CYP20A1: variants seen among roughly 807,000 people sequenced by gnomAD.
CYP20A1 encodes the protein cytochrome P450 family 20 subfamily A member 1.
Under a neutral mutation model 61.4 loss-of-function variants are expected in CYP20A1, and 61 were observed. The observed-to-expected ratio is 0.99, with a 90% CI of 0.81 to 1.23. The LOEUF is 1.23. Among genes scored for constraint, CYP20A1 ranks in the 50% most tolerant of loss-of-function variants. The probability of loss-of-function intolerance (pLI) is 0.00; values close to 1 mark genes in which losing one functional copy is unlikely to be tolerated. For missense variants in CYP20A1, 530 were observed against 542.4 expected, an observed-to-expected ratio of 0.98 and a Z score of 0.23; for synonymous variants, 193 against 188.2, an observed-to-expected ratio of 1.03 and a Z score of -0.21.
At chr2:203,296,632 T>C in intron 12 of CYP20A1, 69 bp downstream of exon 12, 1 of 1,414,328 alleles carries the variant, frequency 7.1e-7, no homozygotes, top group Non-Finnish European at 9.7e-7. Flanking sequence ...ATGGGCAATC[T>C]GTATGATTAA....
rs528193755 is a variant in CYP20A1, at chr2:203,289,817, G to C, written c.1024G>C (p.Val342Leu). The change falls in exon 10 of 13, where the codon GTT becomes CTT. Residue 342 changes from valine (V) to leucine (L), a missense_variant. Coordinates refer to ENST00000356079, the MANE Select transcript of CYP20A1 (RefSeq NM_177538.3). ...TGTTCGAACTGCCAAACTGACTCCA[G>C]TTTCTGCCCAGCTTCAAGATATTGA... ...ETVRTAKLTP[V>L]SAQLQDIEGK... The C allele has an allele frequency of 6.2e-6, 10 of 1,601,698 alleles. No homozygotes were observed. The South Asian group carries it at 1.0e-4, about 16-fold the overall frequency.
intron 1 of CYP20A1, among the ~76,000 whole-genome samples, chr2:203,239,955 C>G (rs1360857063): frequency 2.6e-5 from 4 of 152,096 alleles, no homozygotes; most frequent in African/African-American, 7.2e-5. Context: ...CATTAGCTGG[C>G]TGTGGTGGCG....
At chr2:203,276,005 T>G (rs2067805807) in intron 6 of CYP20A1, among the ~76,000 whole-genome samples, 1 of 152,104 alleles carries the variant, frequency 6.6e-6, no homozygotes, top group Non-Finnish European at 1.5e-5. Flanking sequence ...AGATTGCAAT[T>G]TTAAGTAATT....
At chr2:203,259,117 G>A (rs532350301) in intron 4 of CYP20A1, among the ~76,000 whole-genome samples, 1 of 152,160 alleles carries the variant, frequency 6.6e-6, no homozygotes, top group African/African-American at 2.4e-5. Context: ...AGTCTTTTCT[G>A]TTGTTCCATA....
intron 4 of CYP20A1, among the ~76,000 whole-genome samples, chr2:203,255,039 T>A (rs1001658855): frequency 7.2e-5 from 11 of 151,798 alleles, no homozygotes; most frequent in Admixed American, 1.3e-4. Context: ...TTGAAAAGAA[T>A]CTCTAATGTC....
chr2:203,252,911 C>G (rs2066747919), intron 4 of CYP20A1, among the ~76,000 whole-genome samples: 1 of 152,086 alleles, frequency 6.6e-6, no homozygotes, highest in Non-Finnish European at 1.5e-5. Flanking sequence ...TTCCTATGTT[C>G]GTAATTGGGG....
chr2:203,261,220 AT>A (rs1306337973), intron 4 of CYP20A1, among the ~76,000 whole-genome samples: 1 of 151,844 alleles, frequency 6.6e-6, no homozygotes, highest in Non-Finnish European at 1.5e-5. Context: ...ATAAAAAAAA[AT>A]AAAGAATTAT....
At chr2:203,253,686 G>A (rs2066785508) in intron 4 of CYP20A1, among the ~76,000 whole-genome samples, 1 of 152,214 alleles carries the variant, frequency 6.6e-6, no homozygotes, top group Non-Finnish European at 1.5e-5. Flanking sequence ...TGGTGAGCTT[G>A]TAGCTGCATT....
At chr2:203,280,201 G>A in intron 8 of CYP20A1, 88 bp downstream of exon 8, 3 of 1,013,488 alleles carry the variant, frequency 3.0e-6, no homozygotes, top group Non-Finnish European at 2.8e-6. Context: ...CAACACTTGG[G>A]GAGGCTGAGG....
intron 3 of CYP20A1, among the ~76,000 whole-genome samples, chr2:203,251,016 A>T (rs2066647222): frequency 7.9e-6 from 1 of 126,254 alleles, no homozygotes; most frequent in Non-Finnish European, 1.6e-5. Context: ...GTGAGCCAAG[A>T]TTGCGCCACT....
In CYP20A1 at chr2:203,300,866, G is replaced by A. The variant is rs991011162; in HGVS notation, c.*3958G>A. 3.0e-5 allele frequency among the ~76,000 whole-genome samples: 4 copies of A among 134,600 alleles called. No homozygotes were observed. Among genetic ancestry groups the A allele is most frequent in the African/African-American group, 5.6e-5 (2 of 35,908 alleles). 88.3% of individuals were successfully genotyped at this position (134,600 alleles called of 152,430 possible). ...ATCGTGCCATTGCACTCCAGCCTGG[G>A]CAATAAGAGCAAAACTCCGTCTCAG... is the stretch of plus-strand genomic sequence containing the variant. On this transcript the variant is annotated 3_prime_UTR_variant, in exon 13 of 13. Transcript: ENST00000356079.
intron 3 of CYP20A1, among the ~76,000 whole-genome samples, chr2:203,248,685 A>G (rs1474353538): frequency 6.6e-6 from 1 of 152,174 alleles, no homozygotes; most frequent in Non-Finnish European, 1.5e-5. Context: ...TTGGTTAGCT[A>G]TTTGTAAAAA....
At chr2:203,285,794 T>A in intron 9 of CYP20A1, 62 bp downstream of exon 9, 2 of 1,401,156 alleles carry the variant, frequency 1.4e-6, no homozygotes, top group Non-Finnish European at 1.9e-6. Flanking sequence ...TTATCTAATT[T>A]AAAGCTATTG....
In CYP20A1 at chr2:203,303,874, CAAAAA is replaced by C. The variant is rs34951226; in HGVS notation, c.*6982_*6986del. Among the ~76,000 whole-genome samples, 4 of 89,252 alleles carry C rather than the reference CAAAAA, an allele frequency of 4.5e-5. No individual in the cohort carries two copies. The highest frequency in any genetic ancestry group is 1.0e-4 in the African/African-American group (2 of 19,486). The allele number at this position is 89,252 out of a possible 152,430, so 58.6% of individuals were successfully genotyped here. ...CTTAGGCAATAAAACAAGACTGTCT[CAAAAA>C]AAAAAAAAAAAAAAACTTATTGAGA... is the stretch of plus-strand genomic sequence containing the variant. On this transcript the variant is annotated 3_prime_UTR_variant, in exon 13 of 13. Coordinates refer to ENST00000356079, the MANE Select transcript of CYP20A1 (RefSeq NM_177538.3).
chr2:203,282,763 T>G (rs982337067), intron 8 of CYP20A1, among the ~76,000 whole-genome samples: 1 of 152,152 alleles, frequency 6.6e-6, no homozygotes, highest in South Asian at 2.1e-4. Context: ...CTCTGCCCCT[T>G]ATTAGCCTTG....
chr2:203,242,223 T>C (rs1226711588), intron 1 of CYP20A1, among the ~76,000 whole-genome samples: 2 of 152,132 alleles, frequency 1.3e-5, no homozygotes, highest in African/African-American at 2.4e-5. Flanking sequence ...TGGGCTGAAG[T>C]GATCCTCCTG....
chr2:203,254,569 A>C (rs2066824118), intron 4 of CYP20A1, among the ~76,000 whole-genome samples: 1 of 151,648 alleles, frequency 6.6e-6, no homozygotes, highest in Non-Finnish European at 1.5e-5. Context: ...AAAAATTGTT[A>C]TCATTCCGGT....
At position 203,253,335 on chromosome 2, in the gene CYP20A1, C is replaced by T. The variant is rs560127017; in HGVS notation, c.432+1226C>T. On this transcript the variant is annotated intron_variant, in intron 4 of 12. Coordinates refer to ENST00000356079, the MANE Select transcript of CYP20A1 (RefSeq NM_177538.3). ...GATCTCCCCTATGGGCTGAAGTTCT[C>T]CCGGCAGTGCCTGGGGTGACAGGTC... Among the ~76,000 whole-genome samples the T allele has an allele frequency of 3.9e-5, 6 of 152,304 alleles. No individual in the cohort carries two copies. The South Asian group carries it at 1.2e-3, about 32-fold the overall frequency.
chr2:203,287,760 GC>G (rs2068344816), intron 9 of CYP20A1, among the ~76,000 whole-genome samples: 1 of 151,996 alleles, frequency 6.6e-6, no homozygotes, highest in South Asian at 2.1e-4. Context: ...AGCTTATGAA[GC>G]ATTTCAAAAG....
Sources: allele counts gnomAD v4.1 joint callset (sites outside exome capture counted in the v4.1 genomes callset), GRCh38; gene constraint gnomAD v4.1.1; transcripts MANE v1.5; gene names NCBI Gene and HGNC (gene_info 2026-07-23, HGNC 2026-07-21).